Variants in SLC43A2 observed in about 807,000 individuals in gnomAD.
The protein encoded by SLC43A2 is large neutral amino acids transporter small subunit 4.
A neutral mutation model predicts 63.2 loss-of-function variants in SLC43A2; 38 were observed. That is an observed-to-expected ratio of 0.60 (90% confidence interval 0.46 to 0.79). The LOEUF is 0.79. Ranked by LOEUF, SLC43A2 falls within the 30% of genes least tolerant of loss-of-function variation. The probability of loss-of-function intolerance (pLI) is 0.00; values close to 1 mark genes in which losing one functional copy is unlikely to be tolerated. For synonymous variants in SLC43A2, 322 were observed against 331.0 expected (o/e 0.97, Z 0.30); for missense variants, 644 against 756.2 (o/e 0.85, Z 1.74).
intron 2 of SLC43A2, among the ~76,000 whole-genome samples, chr17:1,621,386 C>G (rs1057131154): frequency 2.6e-5 from 4 of 152,148 alleles, no homozygotes; most frequent in African/African-American, 7.2e-5. Context: ...CTCCAGGGTG[C>G]GGGCCCCTGG....
intron 2 of SLC43A2, among the ~76,000 whole-genome samples, chr17:1,617,659 G>A (rs1380311403): frequency 6.6e-6 from 1 of 152,202 alleles, no homozygotes; most frequent in East Asian, 1.9e-4. Context: ...CCAAAGTGCT[G>A]GGATCACAGG....
At chr17:1,585,175 C>G in intron 10 of SLC43A2, 13 of 989,464 alleles carry the variant, frequency 1.3e-5, no homozygotes, top group Non-Finnish European at 1.6e-5. Context: ...GCAAAATGGT[C>G]TGCTAGCCAT....
At chr17:1,599,253 T>C (rs1195935188) in intron 5 of SLC43A2, among the ~76,000 whole-genome samples, 3 of 151,656 alleles carry the variant, frequency 2.0e-5, no homozygotes, top group Non-Finnish European at 4.4e-5. Flanking sequence ...AGCAGGAGGA[T>C]TGCTTGAACC....
intron 11 of SLC43A2, among the ~76,000 whole-genome samples, chr17:1,581,890 C>T (rs932020802): frequency 2.0e-5 from 3 of 151,476 alleles, no homozygotes; most frequent in Non-Finnish European, 2.9e-5. Context: ...ACTGCAACCT[C>T]TGCCACCCGG....
chr17:1,582,641 C>A (rs1280405431), intron 11 of SLC43A2, among the ~76,000 whole-genome samples: 1 of 152,204 alleles, frequency 6.6e-6, no homozygotes, highest in Non-Finnish European at 1.5e-5. Flanking sequence ...CCAAGACATG[C>A]CTTCCGGGGA....
At chr17:1,617,126 C>A (rs771641997) in intron 2 of SLC43A2, among the ~76,000 whole-genome samples, 1 of 152,198 alleles carries the variant, frequency 6.6e-6, no homozygotes. Flanking sequence ...ATCCGCCACC[C>A]TAGAACGGCA....
intron 3 of SLC43A2, among the ~76,000 whole-genome samples, chr17:1,615,619 A>ATG (rs2151074478): frequency 6.7e-6 from 1 of 149,558 alleles, no homozygotes; most frequent in African/African-American, 2.4e-5. Context: ...CGAGGCGGGC[A>ATG]GATCACAAGG....
chr17:1,615,789 GC>G, intron 3 of SLC43A2, among the ~76,000 whole-genome samples: 1 of 149,014 alleles, frequency 6.7e-6, no homozygotes, highest in African/African-American at 2.5e-5. Flanking sequence ...CTCGCAGTGA[GC>G]CGAGATCGCG....
In SLC43A2 at chr17:1,593,584, G is replaced by C. The variant is rs73976241; in HGVS notation, c.502-305C>G. ...CCAGGAGCCTTCTTGTCTTTTCAGG[G>C]TAACACTGAGATGCCAGAGAACAAA... On this transcript the variant is annotated intron_variant, in intron 5 of 13. Transcript: ENST00000301335. This position sits in a 1 kb window ranked among gnomAD's most constrained non-coding sequence, Gnocchi z 5.3. Among the ~76,000 whole-genome samples the C allele has an allele frequency of 0.021, 3,272 of 152,194 alleles. 142 individuals are homozygous for C. Among genetic ancestry groups the C allele is most frequent in the African/African-American group, 0.074 (3,085 of 41,496 alleles).
chr17:1,622,773 G>A (rs1274351364), intron 2 of SLC43A2, among the ~76,000 whole-genome samples: 1 of 151,994 alleles, frequency 6.6e-6, no homozygotes, highest in East Asian at 1.9e-4. Flanking sequence ...AATTAGCCGG[G>A]TGTGGTGGTG....
At chr17:1,604,604 G>A in intron 5 of SLC43A2, 1 of 862,372 alleles carries the variant, frequency 1.2e-6, no homozygotes, top group African/African-American at 1.7e-5. Flanking sequence ...GAACTCCTGG[G>A]CTCAACTCAT....
At position 1,570,068 on chromosome 17, in the gene SLC43A2, T is replaced by C. The variant is rs1253686157; in HGVS notation, c.*5536A>G. 1 of 149,480 alleles carries C rather than the reference T, an allele frequency of 6.7e-6. No homozygotes were observed. The highest frequency in any genetic ancestry group is 2.5e-5 in the African/African-American group (1 of 40,450). The allele number at this position is 149,480 out of a possible 1,614,324, so 9.3% of individuals were successfully genotyped here. On this transcript the variant is annotated 3_prime_UTR_variant, in exon 14 of 14. Transcript: ENST00000301335. ...ACGCCCAGCTAATTTTTTTTTTTCG[T>C]ATTTTTAGTAGAGATGGGGTTTCAC...
chr17:1,577,329 A>G lies in SLC43A2; in HGVS notation c.1425-609T>C, dbSNP rs559372477. 1.3e-5 allele frequency among the ~76,000 whole-genome samples: 2 copies of G among 152,324 alleles called. No individual in the cohort carries two copies. The highest frequency in any genetic ancestry group is 6.5e-5 in the Admixed American group (1 of 15,304). ...CCTGCGGTTTGGGAAACAGGCCCAGAGAGGAGTGTGGAGGCTGGGCTTGGC... is the reference window on the plus strand; with the variant it reads ...CCTGCGGTTTGGGAAACAGGCCCAGGGAGGAGTGTGGAGGCTGGGCTTGGC... On this transcript the variant is annotated intron_variant, in intron 12 of 13. Coordinates refer to ENST00000301335, the MANE Select transcript of SLC43A2 (RefSeq NM_152346.3). This position sits in a 1 kb window ranked among gnomAD's most constrained non-coding sequence, Gnocchi z 4.9.
At chr17:1,619,063 G>A (rs949288956) in intron 2 of SLC43A2, among the ~76,000 whole-genome samples, 37 of 151,544 alleles carry the variant, frequency 2.4e-4, no homozygotes, top group African/African-American at 9.0e-4. Flanking sequence ...CCAGCCCTTC[G>A]GGAGGCCAAG....
intron 5 of SLC43A2, among the ~76,000 whole-genome samples, chr17:1,603,417 G>A (rs1428792714): frequency 6.6e-6 from 1 of 151,662 alleles, no homozygotes; most frequent in Admixed American, 6.6e-5. Flanking sequence ...GGTTTCATTT[G>A]ACACAAATGC....
chr17:1,591,318 C>T lies in SLC43A2; in HGVS notation c.882G>A (p.Leu294=), dbSNP rs201960057. 179 of 1,608,416 alleles carry T rather than the reference C, an allele frequency of 1.1e-4. No individual in the cohort carries two copies. The highest frequency in any genetic ancestry group is 1.4e-4 in the Non-Finnish European group (169 of 1,179,944). ...EQVALQEGHK[L]CLSTVDLEVK... is the part of the protein sequence containing the mutation. Reference sequence around the variant, plus strand: ...CCTCCAGGTCGACGGTGGACAGGCACAGCTTGTGGCCCTCCTGCAGCGCCA... The same window carrying T: ...CCTCCAGGTCGACGGTGGACAGGCATAGCTTGTGGCCCTCCTGCAGCGCCA... Residue 294 remains leucine (L), a synonymous_variant, in exon 8 of 14, where the codon CTG becomes CTA. Coordinates refer to ENST00000301335, the MANE Select transcript of SLC43A2 (RefSeq NM_152346.3).
chr17:1,587,847 A>AG (rs1904361472), intron 9 of SLC43A2, among the ~76,000 whole-genome samples: 1 of 152,204 alleles, frequency 6.6e-6, no homozygotes, highest in Admixed American at 6.5e-5. Flanking sequence ...GCCCCTGACT[A>AG]GGGGGTGGGG....
chr17:1,576,208 C>G (rs555392806), intron 13 of SLC43A2, among the ~76,000 whole-genome samples: 2 of 151,584 alleles, frequency 1.3e-5, no homozygotes, highest in African/African-American at 4.9e-5. Flanking sequence ...CTCAGCCTCC[C>G]GAGTATCTGG....
chr17:1,621,171 T>C (rs1036308620), intron 2 of SLC43A2, among the ~76,000 whole-genome samples: 2 of 152,016 alleles, frequency 1.3e-5, no homozygotes, highest in African/African-American at 4.8e-5. Flanking sequence ...GCACAAGATC[T>C]TTACAGAGGA....
Sources: gnomAD v4.1 joint callset for allele counts (sites outside exome capture counted in the v4.1 genomes callset) on GRCh38, gnomAD v4.1.1 for gene constraint, Gnocchi (gnomAD v3.1) non-coding constraint, MANE v1.5 for transcripts, NCBI Gene and HGNC (gene_info 2026-07-23, HGNC 2026-07-21) for gene names.